The following RMND5A variants were observed in gnomAD, a reference collection of about 807,000 sequenced individuals.
The protein encoded by RMND5A is required for meiotic nuclear division 5 homolog A, also known as E3 ubiquitin-protein transferase RMND5A.
RMND5A carries 17 observed loss-of-function variants against 49.7 expected under a neutral mutation model. The ratio of observed to expected loss-of-function variants is 0.34; its 90% CI spans 0.23 to 0.51. The LOEUF is 0.51. Ranked by LOEUF, RMND5A falls within the 20% of genes least tolerant of loss-of-function variation. The pLI is 0.96. For synonymous variants in RMND5A, 156 were observed against 167.7 expected, an observed-to-expected ratio of 0.93 and a Z score of 0.54; for missense variants, 255 against 471.3, an observed-to-expected ratio of 0.54 and a Z score of 4.25.
intron 2 of RMND5A, among the ~76,000 whole-genome samples, chr2:86,751,374 G>T (rs963784647): frequency 2.6e-5 from 4 of 152,134 alleles, no homozygotes; most frequent in African/African-American, 9.7e-5. Flanking sequence ...TTAGAGTCAG[G>T]ACCATGCATG....
intron 8 of RMND5A, 107 bp downstream of exon 8, chr2:86,771,819 T>A: frequency 1.1e-6 from 1 of 887,342 alleles, no homozygotes; most frequent in Non-Finnish European, 1.6e-6. Context: ...GATTTAGAAC[T>A]AAATAAATTT....
intron 6 of RMND5A, 152 bp downstream of exon 6, chr2:86,766,176 T>C (rs1672588368): frequency 1.4e-6 from 1 of 718,456 alleles, no homozygotes; most frequent in Non-Finnish European, 2.3e-6. Flanking sequence ...CAATTGGCAG[T>C]GATGCTGTTT....
At chr2:86,752,453 G>A (rs1169453856) in intron 3 of RMND5A, among the ~76,000 whole-genome samples, 1 of 152,114 alleles carries the variant, frequency 6.6e-6, no homozygotes, top group African/African-American at 2.4e-5. Flanking sequence ...TTTTTACTTC[G>A]CATTAGCAGC....
Position 86,721,406 on chromosome 2 carries a change from T to C in RMND5A, c.142+597T>C, listed in dbSNP as rs562301572. Among the ~76,000 whole-genome samples, 295 of 151,964 alleles carry C rather than the reference T, an allele frequency of 1.9e-3. 1 individual carries two copies. Among genetic ancestry groups the C allele is most frequent in the Middle Eastern group, 6.8e-3 (2 of 294 alleles). ...CTGCTGTGTGGACGCAGCTCTTAAC[T>C]CCGCAGCGGCTCTGACATGGTTCCT... On this transcript the variant is annotated intron_variant, in intron 1 of 8. Coordinates refer to ENST00000283632, the MANE Select transcript of RMND5A (RefSeq NM_022780.4).
rs1387012357 is a variant in RMND5A, at chr2:86,777,461, G to C, written c.*4050G>C. 2 of 152,148 alleles carry C rather than the reference G, an allele frequency of 1.3e-5. No individual in the cohort carries two copies. Among genetic ancestry groups the C allele is most frequent in the African/African-American group, 4.8e-5 (2 of 41,424 alleles). 9.4% of individuals were successfully genotyped at this position (152,148 alleles called of 1,614,324 possible). On this transcript the variant is annotated 3_prime_UTR_variant, in exon 9 of 9. Transcript: ENST00000283632. ...TCACCATTGCCCCCACCTGCACCTA[G>C]CAAGGAACAGGTGTTTGATGTATTT...
chr2:86,760,387 T>C (rs1341284353), intron 4 of RMND5A, among the ~76,000 whole-genome samples: 2 of 152,232 alleles, frequency 1.3e-5, no homozygotes, highest in African/African-American at 2.4e-5. Flanking sequence ...TGCAGGTTTC[T>C]AACATACATA....
intron 2 of RMND5A, among the ~76,000 whole-genome samples, chr2:86,750,229 G>A (rs1681610038): frequency 6.6e-6 from 1 of 152,180 alleles, no homozygotes; most frequent in Admixed American, 6.5e-5. Context: ...CACTCTTGAT[G>A]TTTCATGTTC....
At chr2:86,753,148 C>T (rs1275139994) in intron 3 of RMND5A, among the ~76,000 whole-genome samples, 1 of 152,126 alleles carries the variant, frequency 6.6e-6, no homozygotes, top group East Asian at 1.9e-4. Flanking sequence ...GGATAGCAGC[C>T]AAAGCTCCAG....
At chr2:86,747,431 A>G (rs1473603136) in intron 2 of RMND5A, among the ~76,000 whole-genome samples, 3 of 152,202 alleles carry the variant, frequency 2.0e-5, no homozygotes, top group African/African-American at 7.2e-5. Context: ...CGAAGTAGCT[A>G]TCGTCTGTTA....
chr2:86,752,687 C>A (rs1280915715), intron 3 of RMND5A, among the ~76,000 whole-genome samples: 1 of 152,164 alleles, frequency 6.6e-6, no homozygotes, highest in African/African-American at 2.4e-5. Flanking sequence ...TTAACAGGTT[C>A]TTTGTGAAAG....
intron 1 of RMND5A, among the ~76,000 whole-genome samples, chr2:86,737,580 T>TC (rs1681411215): frequency 8.5e-6 from 1 of 117,680 alleles, no homozygotes; most frequent in African/African-American, 4.3e-5. Context: ...GTATCATATA[T>TC]ATATATATAT....
intron 4 of RMND5A, among the ~76,000 whole-genome samples, chr2:86,762,512 G>C (rs1672511131): frequency 6.6e-6 from 1 of 151,800 alleles, no homozygotes; most frequent in Non-Finnish European, 1.5e-5. Flanking sequence ...GGATGCAGTG[G>C]TGCATGCTTG....
intron 2 of RMND5A, among the ~76,000 whole-genome samples, chr2:86,750,634 A>C (rs1193426218): frequency 6.6e-6 from 1 of 152,114 alleles, no homozygotes; most frequent in Non-Finnish European, 1.5e-5. Flanking sequence ...CTAGAATCTG[A>C]GATTTATGTC....
intron 2 of RMND5A, among the ~76,000 whole-genome samples, chr2:86,745,307 A>G (rs11692611): frequency 0.028 from 4,216 of 152,292 alleles, 82 homozygotes; most frequent in Non-Finnish European, 0.043. Context: ...TGTTTTGTAT[A>G]TGTAAAATAA....
At chr2:86,762,618 C>G (rs1220798235) in intron 4 of RMND5A, among the ~76,000 whole-genome samples, 1 of 149,148 alleles carries the variant, frequency 6.7e-6, no homozygotes, top group Non-Finnish European at 1.5e-5. Flanking sequence ...GCACTCCAGC[C>G]TGGGCAACAG....
At chr2:86,732,482 T>C (rs1681348562) in intron 1 of RMND5A, among the ~76,000 whole-genome samples, 1 of 142,022 alleles carries the variant, frequency 7.0e-6, no homozygotes, top group Admixed American at 6.9e-5. Context: ...CGAGACGTGC[T>C]TTTTTTTGAG....
chr2:86,765,670 C>T lies in RMND5A; in HGVS notation c.689-189C>T, dbSNP rs1023519915. On this transcript the variant is annotated intron_variant, in intron 5 of 8. Transcript: ENST00000283632. ...TAAGTTCAGTATTTTCACTGCTTTCCTTTTCTTCCCTTTTCTCTCCATGCT... is the reference window on the plus strand; with the variant it reads ...TAAGTTCAGTATTTTCACTGCTTTCTTTTTCTTCCCTTTTCTCTCCATGCT... 6 of 556,072 alleles carry T rather than the reference C, an allele frequency of 1.1e-5. 1 individual carries two copies. In the Admixed American group the frequency reaches 1.7e-4, roughly 15 times the overall value. 34.4% of individuals were successfully genotyped at this position (556,072 alleles called of 1,614,324 possible).
chr2:86,773,769 C>G lies in RMND5A; in HGVS notation c.*358C>G, dbSNP rs1280966773. On this transcript the variant is annotated 3_prime_UTR_variant, in exon 9 of 9. Coordinates refer to ENST00000283632, the MANE Select transcript of RMND5A (RefSeq NM_022780.4). ...ATATTCCTCCTGCTTTTACTTTTGT[C>G]ATTTTCTTGATAATCGTAAGCCTTG... is the stretch of plus-strand genomic sequence containing the variant. 1 of 165,354 alleles carries G rather than the reference C, an allele frequency of 6.0e-6. No homozygotes were observed. The highest frequency in any genetic ancestry group is 1.3e-5 in the Non-Finnish European group (1 of 76,718). The allele number at this position is 165,354 out of a possible 1,614,324, so 10.2% of individuals were successfully genotyped here.
Position 86,770,128 on chromosome 2 carries a change from G to A in RMND5A, c.957+3G>A. 1 of 1,593,128 alleles carries A rather than the reference G, an allele frequency of 6.3e-7. No homozygotes were observed. The highest frequency in any genetic ancestry group is 8.6e-7 in the Non-Finnish European group (1 of 1,161,008). ...GGAACCAGAAAGATGAATTACCTGT[G>A]AGTTCCATTTTCTATTGGCTATTTA... On this transcript the variant is annotated splice_donor_region_variant and intron_variant, in intron 7 of 8. Coordinates refer to ENST00000283632, the MANE Select transcript of RMND5A (RefSeq NM_022780.4).
Sources: allele counts gnomAD v4.1 joint callset (sites outside exome capture counted in the v4.1 genomes callset), GRCh38; gene constraint gnomAD v4.1.1; transcripts MANE v1.5; gene names NCBI Gene and HGNC (gene_info 2026-07-23, HGNC 2026-07-21).